Variants in ALK observed in about 807,000 individuals in gnomAD.
The protein encoded by ALK is ALK tyrosine kinase receptor.
In ALK, 74 loss-of-function variants were observed where a neutral mutation model predicts 163.1. The ratio of observed to expected loss-of-function variants is 0.45; its 90% CI spans 0.38 to 0.55. The LOEUF is 0.55. ALK is among the 20% of genes least tolerant of loss of function. ALK has a pLI of 0.00. For missense variants in ALK, 2,063 were observed against 2,105.3 expected, an observed-to-expected ratio of 0.98 and a Z score of 0.39; for synonymous variants, 960 against 843.2, an observed-to-expected ratio of 1.14 and a Z score of -2.40.
chr2:29,715,882 C>A (rs1679235979), intron 2 of ALK, among the ~76,000 whole-genome samples: 1 of 152,228 alleles, frequency 6.6e-6, no homozygotes, highest in Admixed American at 6.5e-5. Flanking sequence ...GACCACTGAT[C>A]TTTCTCTCCT....
intron 3 of ALK, among the ~76,000 whole-genome samples, chr2:29,647,750 C>T (rs1676921034): frequency 6.6e-6 from 1 of 150,922 alleles, no homozygotes; most frequent in Non-Finnish European, 1.5e-5. Context: ...CCATAGTAAT[C>T]CATGCACCAC....
chr2:29,413,954 C>T (rs554506972), intron 4 of ALK, among the ~76,000 whole-genome samples: 6 of 152,266 alleles, frequency 3.9e-5, no homozygotes, highest in East Asian at 3.9e-4. Context: ...CGTGAGCCAT[C>T]GTGCCCAGGC....
At chr2:29,794,902 G>C (rs533672475) in intron 1 of ALK, among the ~76,000 whole-genome samples, 1 of 152,076 alleles carries the variant, frequency 6.6e-6, no homozygotes, top group Non-Finnish European at 1.5e-5. Context: ...CATGCTGTTG[G>C]AAACATGGTG....
Position 29,717,688 on chromosome 2 carries a change from G to GA in ALK, c.676dup (p.Ser226PhefsTer14). On this transcript the variant is annotated frameshift_variant, in exon 2 of 29. Transcript: ENST00000389048. LOFTEE classifies it high-confidence loss of function. ...AGGCATGTTTGTTGGTGATTCCAAG[G>GA]AGCTATGACCTGGACATAAAAATAA... 6.2e-7 allele frequency: 1 copy of GA among 1,614,138 alleles called. No homozygotes were observed. Among genetic ancestry groups the GA allele is most frequent in the African/African-American group, 1.3e-5 (1 of 75,030 alleles).
At chr2:29,389,443 G>A (rs1669110066) in intron 4 of ALK, among the ~76,000 whole-genome samples, 1 of 152,216 alleles carries the variant, frequency 6.6e-6, no homozygotes, top group African/African-American at 2.4e-5. Flanking sequence ...GACAGTGTGT[G>A]TTTGGAGAAC....
intron 1 of ALK, among the ~76,000 whole-genome samples, chr2:29,769,705 C>T (rs901640331): frequency 3.9e-5 from 6 of 152,124 alleles, no homozygotes; most frequent in South Asian, 2.1e-4. Flanking sequence ...TTACAATGAA[C>T]GATAACACAA....
intron 3 of ALK, among the ~76,000 whole-genome samples, chr2:29,620,302 C>T (rs1675993443): frequency 6.6e-6 from 1 of 152,134 alleles, no homozygotes; most frequent in East Asian, 1.9e-4. Flanking sequence ...TTACAGATGG[C>T]TTCCCTCACG....
chr2:29,845,737 T>C, intron 1 of ALK, among the ~76,000 whole-genome samples: 1 of 152,160 alleles, frequency 6.6e-6, no homozygotes, highest in East Asian at 1.9e-4. Context: ...CCCGGACACA[T>C]TTTTTAACCT....
chr2:29,492,675 G>A (rs560891170), intron 4 of ALK, among the ~76,000 whole-genome samples: 12 of 152,274 alleles, frequency 7.9e-5, no homozygotes, highest in East Asian at 5.8e-4. Context: ...CCTGCTGTTC[G>A]TAAGGATTCT....
chr2:29,498,755 A>G (rs933910825), intron 4 of ALK, among the ~76,000 whole-genome samples: 1 of 152,234 alleles, frequency 6.6e-6, no homozygotes, highest in African/African-American at 2.4e-5. Flanking sequence ...TGAGATAAGT[A>G]TGTAATGACA....
intron 11 of ALK, among the ~76,000 whole-genome samples, chr2:29,253,879 GATAGATAGATAGA>G (rs879538464): frequency 0.013 from 1,932 of 151,948 alleles, 51 homozygotes; most frequent in African/African-American, 0.045. Flanking sequence ...TAGATAGATA[GATAGATAGATAGA>G]TAGGTAGATA....
intron 5 of ALK, among the ~76,000 whole-genome samples, chr2:29,329,079 G>C (rs950678752): frequency 6.6e-6 from 1 of 152,158 alleles, no homozygotes; most frequent in African/African-American, 2.4e-5. Flanking sequence ...TCCCTTCTCT[G>C]TGTGGCCCCT....
intron 3 of ALK, among the ~76,000 whole-genome samples, chr2:29,548,483 AAAAG>A (rs1248057676): frequency 6.6e-6 from 1 of 152,076 alleles, no homozygotes; most frequent in Non-Finnish European, 1.5e-5. Context: ...AAAAAAAAAA[AAAAG>A]AGTTAAGTCA....
At chr2:29,288,510 C>T (rs1043710527) in intron 9 of ALK, among the ~76,000 whole-genome samples, 9 of 152,164 alleles carry the variant, frequency 5.9e-5, no homozygotes, top group Admixed American at 3.3e-4. Context: ...TTCAGGTGGC[C>T]CAGGCCTAGG....
chr2:29,387,553 T>G (rs1315622595), intron 4 of ALK, among the ~76,000 whole-genome samples: 2 of 152,186 alleles, frequency 1.3e-5, no homozygotes, highest in African/African-American at 4.8e-5. Context: ...GGCAAGTCCC[T>G]GCACCTCTTT....
At chr2:29,220,933 C>T (rs944357043) in intron 22 of ALK, 98 bp from the exon 23 acceptor site, 7 of 1,534,004 alleles carry the variant, frequency 4.6e-6, no homozygotes, top group African/African-American at 2.7e-5. Flanking sequence ...TTTTCAGCAG[C>T]TACAATGTAT....
At chr2:29,667,515 T>C (rs1203368105) in intron 3 of ALK, among the ~76,000 whole-genome samples, 3 of 152,128 alleles carry the variant, frequency 2.0e-5, no homozygotes, top group Non-Finnish European at 4.4e-5. Flanking sequence ...ATGAGGATTT[T>C]TGTCATAAAG....
chr2:29,814,976 A>AAATG (rs34886147), intron 1 of ALK, among the ~76,000 whole-genome samples: 19,432 of 141,900 alleles, frequency 0.14, 1,316 homozygotes, highest in African/African-American at 0.16. Context: ...ATTTAATCTG[A>AAATG]AATGAATGAA....
intron 8 of ALK, among the ~76,000 whole-genome samples, chr2:29,312,053 C>T (rs969658389): frequency 6.6e-6 from 1 of 151,854 alleles, no homozygotes; most frequent in Admixed American, 6.5e-5. Flanking sequence ...AGCTGGGCAA[C>T]ACCCCTCTCC....
Sources: allele counts gnomAD v4.1 joint callset (sites outside exome capture counted in the v4.1 genomes callset), GRCh38; gene constraint gnomAD v4.1.1; transcripts MANE v1.5; gene names NCBI Gene and HGNC (gene_info 2026-07-23, HGNC 2026-07-21).